STK32B: variants seen among roughly 807,000 people sequenced by gnomAD.
STK32B encodes the protein serine/threonine-protein kinase 32B.
In STK32B, 43 loss-of-function variants were observed where a neutral mutation model predicts 52.6. The ratio of observed to expected loss-of-function variants is 0.82; its 90% CI spans 0.64 to 1.05. STK32B has a LOEUF of 1.05. STK32B is among the 50% of genes least tolerant of loss of function. The probability of loss-of-function intolerance (pLI) is 0.00; values close to 1 mark genes in which losing one functional copy is unlikely to be tolerated. For synonymous variants in STK32B, 238 were observed against 204.3 expected (o/e 1.17, Z -1.41); for missense variants, 621 against 534.6 (o/e 1.16, Z -1.59).
chr4:5,096,988 G>C lies in STK32B; in HGVS notation c.53-42917G>C, dbSNP rs184206369. 2.0e-5 allele frequency among the ~76,000 whole-genome samples: 3 copies of C among 152,308 alleles called. No individual in the cohort carries two copies. The East Asian group carries it at 5.8e-4, about 29-fold the overall frequency. On this transcript the variant is annotated intron_variant, in intron 1 of 11. Transcript: ENST00000282908. The stretch of plus-strand genomic sequence containing the variant: ...CTATTTATTCTTCCTCTACAGAAGA[G>C]GAAATCGAAGCTGAGAAAATAAGAA...
In STK32B at chr4:5,351,272, C is replaced by T. The variant is rs78779262; in HGVS notation, c.434+19879C>T. Among the ~76,000 whole-genome samples, 199 of 152,158 alleles carry T rather than the reference C, an allele frequency of 1.3e-3. 5 individuals are homozygous for T. In the East Asian group the frequency reaches 0.032, roughly 24 times the overall value. ...AAATTATGTCAAATGTTTTCTCAGGCATCAATGGAATAAAACTAGAAATCA... is the reference window on the plus strand; with the variant it reads ...AAATTATGTCAAATGTTTTCTCAGGTATCAATGGAATAAAACTAGAAATCA... On this transcript the variant is annotated intron_variant, in intron 4 of 11. Coordinates refer to ENST00000282908, the MANE Select transcript of STK32B (RefSeq NM_018401.3).
At chr4:5,243,730 C>T (rs1421676051) in intron 3 of STK32B, among the ~76,000 whole-genome samples, 1 of 152,008 alleles carries the variant, frequency 6.6e-6, no homozygotes, top group East Asian at 1.9e-4. Context: ...ATAGATAGCT[C>T]TTATTATTTT....
intron 4 of STK32B, among the ~76,000 whole-genome samples, chr4:5,365,560 C>G (rs1287213110): frequency 1.3e-5 from 2 of 152,222 alleles, no homozygotes; most frequent in Non-Finnish European, 1.5e-5. Context: ...TATCAAATAA[C>G]ACTCTGTTTT....
the STK32B span, among the ~76,000 whole-genome samples, chr4:5,042,079 T>C: frequency 6.6e-6 from 1 of 152,184 alleles, no homozygotes; most frequent in Non-Finnish European, 1.5e-5. Context: ...AATGCAAGTA[T>C]GGTGATTACT....
intron 11 of STK32B, among the ~76,000 whole-genome samples, chr4:5,484,148 A>G (rs1431295313): frequency 6.6e-6 from 1 of 151,908 alleles, no homozygotes; most frequent in Non-Finnish European, 1.5e-5. Flanking sequence ...ATCCTTCTTA[A>G]CTTTGTGTCT....
Position 5,470,727 on chromosome 4 carries a change from T to C in STK32B, c.1106+2657T>C, listed in dbSNP as rs781126428. ...AAAAAAAATGCCTATGAGAAGTTGA[T>C]TCATGACTCATGATTGCCTCAAAAC... On this transcript the variant is annotated intron_variant, in intron 11 of 11. Transcript: ENST00000282908. This position sits in a 1 kb window ranked among gnomAD's most constrained non-coding sequence, Gnocchi z 4.6. Among the ~76,000 whole-genome samples the C allele has an allele frequency of 6.1e-4, 93 of 152,240 alleles. No homozygotes were observed. The highest frequency in any genetic ancestry group is 1.2e-3 in the Non-Finnish European group (80 of 68,054).
chr4:5,212,835 G>A (rs949384242), intron 3 of STK32B, among the ~76,000 whole-genome samples: 1 of 152,134 alleles, frequency 6.6e-6, no homozygotes, highest in East Asian at 1.9e-4. Flanking sequence ...AAGAGATCTC[G>A]ATGAGTGAGA....
At chr4:5,068,110 T>A (rs1711536677) in intron 1 of STK32B, among the ~76,000 whole-genome samples, 1 of 152,084 alleles carries the variant, frequency 6.6e-6, no homozygotes, top group African/African-American at 2.4e-5. Context: ...CGCAATAACT[T>A]TTGCACCAAC....
chr4:5,249,501 T>TCCTTCCTTCCTCCCTC (rs1460248450), intron 3 of STK32B, among the ~76,000 whole-genome samples: 2 of 124,882 alleles, frequency 1.6e-5, no homozygotes, highest in Non-Finnish European at 3.4e-5. Flanking sequence ...CTTCCTTCCT[T>TCCTTCCTTCCTCCCTC]CCTCCCTCCC....
At chr4:5,456,768 GCT>G (rs1025170245) in intron 7 of STK32B, 37 bp from the exon 8 acceptor site, 3 of 1,500,504 alleles carry the variant, frequency 2.0e-6, no homozygotes, top group East Asian at 2.4e-5. Context: ...CCTTCCAATG[GCT>G]CTCTCTCTGA....
intron 3 of STK32B, among the ~76,000 whole-genome samples, chr4:5,274,198 CAG>C (rs1441765106): frequency 1.3e-5 from 2 of 152,050 alleles, no homozygotes; most frequent in African/African-American, 2.4e-5. Context: ...AAAAAGTGAA[CAG>C]AGTTACAAAA....
chr4:5,306,562 C>A (rs1290181560), intron 3 of STK32B, among the ~76,000 whole-genome samples: 2 of 152,088 alleles, frequency 1.3e-5, no homozygotes, highest in Non-Finnish European at 2.9e-5. Flanking sequence ...TTGAAGAGAG[C>A]AGATACTTGG....
At chr4:5,296,811 G>A (rs1263740561) in intron 3 of STK32B, among the ~76,000 whole-genome samples, 1 of 152,154 alleles carries the variant, frequency 6.6e-6, no homozygotes, top group Non-Finnish European at 1.5e-5. Context: ...TCATTATGAT[G>A]CTAGCTGGTT....
At chr4:5,124,948 C>G (rs1577084530) in intron 1 of STK32B, among the ~76,000 whole-genome samples, 1 of 152,276 alleles carries the variant, frequency 6.6e-6, no homozygotes, top group Middle Eastern at 3.4e-3. Flanking sequence ...AATCTAATGA[C>G]AGGAACTCTC....
At chr4:5,420,291 T>C (rs1374607971) in intron 6 of STK32B, among the ~76,000 whole-genome samples, 1 of 152,194 alleles carries the variant, frequency 6.6e-6, no homozygotes, top group East Asian at 1.9e-4. Context: ...GTAGTCTTCA[T>C]GGGAGCCTGA....
chr4:5,243,734 T>C (rs1560253624), intron 3 of STK32B, among the ~76,000 whole-genome samples: 1 of 152,204 alleles, frequency 6.6e-6, no homozygotes, highest in African/African-American at 2.4e-5. Context: ...ATAGCTCTTA[T>C]TATTTTGAGA....
At chr4:5,367,356 G>T (rs1424154554) in intron 4 of STK32B, among the ~76,000 whole-genome samples, 9 of 152,186 alleles carry the variant, frequency 5.9e-5, no homozygotes, top group Admixed American at 5.9e-4. Flanking sequence ...GCAAAAGGGT[G>T]AACGTGACGG....
intron 11 of STK32B, among the ~76,000 whole-genome samples, chr4:5,482,415 T>C (rs1484572367): frequency 6.6e-6 from 1 of 152,176 alleles, no homozygotes; most frequent in East Asian, 1.9e-4. Flanking sequence ...AGAATGCTTG[T>C]GATTTTTGTA....
At chr4:5,114,700 C>T (rs1337758066) in intron 1 of STK32B, among the ~76,000 whole-genome samples, 1 of 152,192 alleles carries the variant, frequency 6.6e-6, no homozygotes, top group Non-Finnish European at 1.5e-5. Flanking sequence ...ACAACTCGCT[C>T]CCGTCTTCCA....
Sources: allele counts gnomAD v4.1 joint callset (sites outside exome capture counted in the v4.1 genomes callset), GRCh38; gene constraint gnomAD v4.1.1; non-coding constraint Gnocchi (gnomAD v3.1); transcripts MANE v1.5; gene names NCBI Gene and HGNC (gene_info 2026-07-23, HGNC 2026-07-21).